The following EHBP1 variants were observed in gnomAD, a reference collection of about 807,000 sequenced individuals.
EHBP1 encodes the protein EH domain-binding protein 1.
A neutral mutation model predicts 144.0 loss-of-function variants in EHBP1; 55 were observed. The observed-to-expected ratio is 0.38, with a 90% CI of 0.31 to 0.48. The LOEUF (loss-of-function observed/expected upper bound fraction) is 0.48, where lower values mean the gene tolerates loss of function less well. Among genes scored for constraint, EHBP1 ranks in the 20% least tolerant of loss-of-function variants. The probability of loss-of-function intolerance (pLI) is 0.98; values close to 1 mark genes in which losing one functional copy is unlikely to be tolerated. For missense variants in EHBP1, 1,200 were observed against 1,364.2 expected (o/e 0.88, Z 1.90); for synonymous variants, 469 against 472.7 (o/e 0.99, Z 0.10).
intron 5 of EHBP1, among the ~76,000 whole-genome samples, chr2:62,772,367 A>G (rs1277686671): frequency 6.6e-6 from 1 of 152,222 alleles, no homozygotes; most frequent in African/African-American, 2.4e-5. Flanking sequence ...TAGGTATTCA[A>G]TAAATGTTCA....
At position 62,948,319 on chromosome 2, in the gene EHBP1, A is replaced by G; in HGVS notation, c.1473A>G (p.Val491=). Residue 491 remains valine (V), a synonymous_variant, in exon 13 of 23, where the codon GTA becomes GTG. Coordinates refer to ENST00000431489, the MANE Select transcript of EHBP1 (RefSeq NM_001142616.3). ...GATTATTGGAACCTTCTGATATGGT[A>G]TTATTAGCAATTCCTGATAAACTGA... The part of the protein sequence containing the change: ...ISRLLEPSDM[V]LLAIPDKLTV... The G allele has an allele frequency of 6.2e-7, 1 of 1,609,136 alleles. No homozygotes were observed. The highest frequency in any genetic ancestry group is 8.5e-7 in the Non-Finnish European group (1 of 1,178,026).
At chr2:62,730,658 T>C (rs62177752) in intron 2 of EHBP1, among the ~76,000 whole-genome samples, 2 of 144,078 alleles carry the variant, frequency 1.4e-5, no homozygotes, top group Admixed American at 6.9e-5. Flanking sequence ...CAGAGAGAGA[T>C]AGACAAAGAT....
rs182921907 is a variant in EHBP1 at position 62,938,147 on chromosome 2, A to G, written c.1186-4571A>G. On this transcript the variant is annotated intron_variant, in intron 10 of 22. Coordinates refer to ENST00000431489, the MANE Select transcript of EHBP1 (RefSeq NM_001142616.3). ...ATTTGCAAACACAATGAAAATGAGC[A>G]GGTTGTAAAGAAAGATCACCATTAT... 1.9e-3 allele frequency among the ~76,000 whole-genome samples: 285 copies of G among 152,378 alleles called. 1 individual carries two copies. The highest frequency in any genetic ancestry group is 6.6e-3 in the African/African-American group (274 of 41,594).
At chr2:63,042,943 G>A (rs933737903) in intron 21 of EHBP1, among the ~76,000 whole-genome samples, 9 of 151,692 alleles carry the variant, frequency 5.9e-5, no homozygotes, top group Admixed American at 3.3e-4. Flanking sequence ...AAATGGTTTC[G>A]AAGTAAATAA....
chr2:62,732,621 C>T (rs2037717495), intron 2 of EHBP1, among the ~76,000 whole-genome samples: 1 of 152,148 alleles, frequency 6.6e-6, no homozygotes. Context: ...TGCCAGCTTC[C>T]CCCTCACCTT....
At chr2:62,721,924 C>G (rs1195325722) in intron 2 of EHBP1, among the ~76,000 whole-genome samples, 1 of 152,058 alleles carries the variant, frequency 6.6e-6, no homozygotes, top group African/African-American at 2.4e-5. Context: ...TAATTTCAGA[C>G]TTATAGAAAA....
intron 8 of EHBP1, among the ~76,000 whole-genome samples, chr2:62,860,318 C>T (rs999907206): frequency 2.6e-5 from 4 of 152,072 alleles, no homozygotes; most frequent in Admixed American, 1.3e-4. Flanking sequence ...AGAGAAACCC[C>T]GTCTCTACTA....
intron 19 of EHBP1, among the ~76,000 whole-genome samples, chr2:63,030,480 C>T (rs987136793): frequency 6.6e-6 from 1 of 151,852 alleles, no homozygotes; most frequent in Non-Finnish European, 1.5e-5. Flanking sequence ...TGCTTTTCTC[C>T]ACTTCCATTT....
intron 19 of EHBP1, among the ~76,000 whole-genome samples, chr2:63,011,174 G>A (rs2060251419): frequency 6.7e-6 from 1 of 150,328 alleles, no homozygotes; most frequent in Non-Finnish European, 1.5e-5. Context: ...AGTTTAACAG[G>A]CAAACATTCA....
intron 19 of EHBP1, among the ~76,000 whole-genome samples, chr2:63,005,570 C>G (rs770032235): frequency 2.0e-5 from 3 of 152,018 alleles, no homozygotes; most frequent in Non-Finnish European, 4.4e-5. Context: ...AGAATAAGAA[C>G]ATATGCATAT....
At chr2:62,730,775 GAGAC>G (rs1177836933) in intron 2 of EHBP1, among the ~76,000 whole-genome samples, 72 of 112,166 alleles carry the variant, frequency 6.4e-4, no homozygotes, top group African/African-American at 1.7e-3. Context: ...GACAGACAAA[GAGAC>G]AGACAGAGAA....
At position 62,987,857 on chromosome 2, in the gene EHBP1, TC is replaced by T; in HGVS notation, c.2609-2858del. 3.7e-6 allele frequency: 3 copies of T among 818,720 alleles called. No homozygotes were observed. In the East Asian group the frequency reaches 9.0e-5, roughly 24 times the overall value. The allele number at this position is 818,720 out of a possible 1,614,324, so 50.7% of individuals were successfully genotyped here. A position where few individuals can be genotyped will look rare whatever the true frequency, so the allele number is the denominator to read the frequency against. ...ATAACTATACTAAAATACTGGTTTT[TC>T]TTCTTTAGTGTTTTGGATGAATGAT... On this transcript the variant is annotated intron_variant, in intron 15 of 22. Coordinates refer to ENST00000431489, the MANE Select transcript of EHBP1 (RefSeq NM_001142616.3).
intron 14 of EHBP1, among the ~76,000 whole-genome samples, chr2:62,957,664 G>C (rs1041369648): frequency 4.7e-4 from 4 of 8,422 alleles, no homozygotes; most frequent in African/African-American, 2.0e-3. Context: ...TTTTTTTTTT[G>C]AGATGGAGTC....
At chr2:62,762,119 C>T (rs1404465780) in intron 3 of EHBP1, among the ~76,000 whole-genome samples, 2 of 152,098 alleles carry the variant, frequency 1.3e-5, no homozygotes, top group Non-Finnish European at 2.9e-5. Flanking sequence ...ATGGCTTCTG[C>T]TTTGTTAAAC....
chr2:62,955,622 A>G lies in EHBP1; in HGVS notation c.2422A>G (p.Asn808Asp). The G allele has an allele frequency of 1.2e-6, 2 of 1,612,480 alleles. No individual in the cohort carries two copies. Among genetic ancestry groups the G allele is most frequent in the Non-Finnish European group, 1.7e-6 (2 of 1,179,066 alleles). ...AAAGGCGGGGAATAAGCACAATACC[A>G]ACACAGCCACCCCATTCTGCAACAG... ...ALKAGNKHNT[N>D]TATPFCNRQL... The change falls in exon 14 of 23, where the codon AAC becomes GAC. Residue 808 changes from asparagine to aspartate, a missense_variant. By Grantham distance (23) the Asn-to-Asp change is conservative (BLOSUM62 1). Around this residue, in one of 6 missense-constraint regions of EHBP1, gnomAD observed 543 missense variants for 513.1 expected, o/e 1.06. Transcript: ENST00000431489.
At chr2:63,041,397 G>A (rs2061654061) in intron 21 of EHBP1, among the ~76,000 whole-genome samples, 1 of 152,082 alleles carries the variant, frequency 6.6e-6, no homozygotes, top group African/African-American at 2.4e-5. Flanking sequence ...ATTGGGGTGG[G>A]CTTTTAGAAA....
intron 13 of EHBP1, among the ~76,000 whole-genome samples, chr2:62,951,650 G>A (rs1423811488): frequency 4.1e-5 from 6 of 147,406 alleles, no homozygotes; most frequent in East Asian, 2.1e-4. Context: ...TCAGCCTCCC[G>A]AGTAGCTGAG....
At chr2:62,807,411 G>A (rs368971930) in intron 5 of EHBP1, among the ~76,000 whole-genome samples, 21 of 152,232 alleles carry the variant, frequency 1.4e-4, no homozygotes, top group South Asian at 2.1e-4. Context: ...AGCTGGGTGC[G>A]GTGGCACATG....
chr2:62,857,985 ACT>A (rs1231776713), intron 7 of EHBP1, among the ~76,000 whole-genome samples: 1 of 152,086 alleles, frequency 6.6e-6, no homozygotes. Flanking sequence ...TATTCTTAAA[ACT>A]TTTTGTTTAA....
Sources: gnomAD v4.1 joint callset for allele counts (sites outside exome capture counted in the v4.1 genomes callset) on GRCh38, gnomAD v4.1.1 for gene constraint, gnomAD v4.1.1 regional missense constraint, MANE v1.5 for transcripts, NCBI Gene and HGNC (gene_info 2026-07-23, HGNC 2026-07-21) for gene names.